COL9A1: variants seen among roughly 807,000 people sequenced by gnomAD.
COL9A1 encodes collagen type IX alpha 1 chain.
COL9A1 carries 104 observed loss-of-function variants against 142.6 expected under a neutral mutation model. The ratio of observed to expected loss-of-function variants is 0.73; its 90% confidence interval spans 0.62 to 0.86. The LOEUF (loss-of-function observed/expected upper bound fraction) is 0.86, where lower values mean the gene tolerates loss of function less well. Ranked by LOEUF, COL9A1 falls within the 40% of genes least tolerant of loss-of-function variation. The pLI, the probability that COL9A1 is intolerant of heterozygous loss-of-function variation, is 0.00. For missense variants in COL9A1, 1,210 were observed against 1,176.6 expected, an observed-to-expected ratio of 1.03 and a Z score of -0.42; for synonymous variants, 466 against 396.0, an observed-to-expected ratio of 1.18 and a Z score of -2.10.
chr6:70,251,381 C>CA (rs902835600), intron 28 of COL9A1, among the ~76,000 whole-genome samples: 46 of 151,080 alleles, frequency 3.0e-4, no homozygotes, highest in African/African-American at 1.0e-3. Context: ...CCCATCTCTA[C>CA]AAAAAAAAAT....
intron 37 of COL9A1, among the ~76,000 whole-genome samples, chr6:70,223,504 C>T (rs1769021297): frequency 1.3e-5 from 2 of 152,178 alleles, no homozygotes; most frequent in Admixed American, 6.5e-5. Flanking sequence ...AGATGCCACT[C>T]TTCAAACAGC....
At chr6:70,228,108 T>G (rs763522877) in intron 36 of COL9A1, among the ~76,000 whole-genome samples, 2 of 152,228 alleles carry the variant, frequency 1.3e-5, no homozygotes, top group South Asian at 4.1e-4. Flanking sequence ...AATTTAGTAT[T>G]ATGAAATATA....
At chr6:70,300,899 T>C (rs543088875) in intron 2 of COL9A1, among the ~76,000 whole-genome samples, 103 of 152,178 alleles carry the variant, frequency 6.8e-4, no homozygotes, top group African/African-American at 2.4e-3. Context: ...TTCTGGAGAG[T>C]AGAGTTCTTA....
chr6:70,291,916 T>C (rs779422569), intron 5 of COL9A1, among the ~76,000 whole-genome samples: 11 of 152,170 alleles, frequency 7.2e-5, no homozygotes, highest in Non-Finnish European at 1.3e-4. Flanking sequence ...AGCTGAGAAA[T>C]GGAGATAATG....
intron 37 of COL9A1, among the ~76,000 whole-genome samples, chr6:70,222,217 T>C (rs1768926442): frequency 6.6e-6 from 1 of 152,204 alleles, no homozygotes; most frequent in Admixed American, 6.5e-5. Context: ...CACTAAATAA[T>C]GTCAGAGTGT....
intron 35 of COL9A1, among the ~76,000 whole-genome samples, chr6:70,234,304 C>CAA (rs55719911): frequency 7.0e-6 from 1 of 143,846 alleles, no homozygotes; most frequent in African/African-American, 2.5e-5. Flanking sequence ...CAAAACAAAA[C>CAA]AAAAAAAAGG....
chr6:70,255,214 G>A lies in COL9A1; in HGVS notation c.1558-11C>T. On this transcript the variant is annotated splice_polypyrimidine_tract_variant and intron_variant, in intron 22 of 37. Transcript: ENST00000357250. Reference sequence around the variant, plus strand: ...AGCACCTTCAGCCCCCTGCAGGGAGGAAGAGAAAGAATAGACAAGACATGT... The same window carrying A: ...AGCACCTTCAGCCCCCTGCAGGGAGAAAGAGAAAGAATAGACAAGACATGT... 6.2e-7 allele frequency: 1 copy of A among 1,614,076 alleles called. No homozygotes were observed. The highest frequency in any genetic ancestry group is 8.5e-7 in the Non-Finnish European group (1 of 1,179,954).
intron 13 of COL9A1, 95 bp downstream of exon 13, chr6:70,271,970 A>G: frequency 7.8e-7 from 1 of 1,278,218 alleles, no homozygotes; most frequent in Non-Finnish European, 1.1e-6. Context: ...TGTAAACACC[A>G]CTGAGTAGAC....
chr6:70,283,211 T>G (rs1197334303), intron 6 of COL9A1: 1 of 1,463,038 alleles, frequency 6.8e-7, no homozygotes, highest in Non-Finnish European at 9.0e-7. Context: ...AGGCGCGCGT[T>G]CCCCCTGTTT....
At chr6:70,229,643 T>C (rs1275920424) in intron 36 of COL9A1, among the ~76,000 whole-genome samples, 2 of 152,146 alleles carry the variant, frequency 1.3e-5, no homozygotes, top group South Asian at 2.1e-4. Context: ...ACAGCCTTAC[T>C]CAAAGGGACT....
At chr6:70,269,586 T>C in intron 16 of COL9A1, 47 bp downstream of exon 16, 1 of 1,291,272 alleles carries the variant, frequency 7.7e-7, no homozygotes, top group Non-Finnish European at 1.1e-6. Flanking sequence ...GCAGGCTATA[T>C]GGTCTTTGAA....
chr6:70,227,232 T>A (rs1769282707), intron 36 of COL9A1, among the ~76,000 whole-genome samples: 1 of 151,784 alleles, frequency 6.6e-6, no homozygotes, highest in African/African-American at 2.4e-5. Flanking sequence ...AATTATGACC[T>A]CAGATTGGCC....
intron 31 of COL9A1, among the ~76,000 whole-genome samples, chr6:70,241,155 G>A (rs544181589): frequency 3.3e-5 from 5 of 152,270 alleles, no homozygotes; most frequent in East Asian, 3.9e-4. Context: ...AACCAATTCC[G>A]TGAACCAGAG....
At chr6:70,249,735 G>A (rs1770814669) in intron 28 of COL9A1, among the ~76,000 whole-genome samples, 1 of 152,014 alleles carries the variant, frequency 6.6e-6, no homozygotes. Flanking sequence ...CATCAGCATA[G>A]CCTCCTATGA....
intron 7 of COL9A1, 44 bp from the exon 8 acceptor site, chr6:70,281,508 A>G: frequency 2.0e-6 from 3 of 1,517,534 alleles, no homozygotes; most frequent in Non-Finnish European, 2.7e-6. Context: ...ACATCGGGCA[A>G]CAGGGAGCAA....
intron 7 of COL9A1, among the ~76,000 whole-genome samples, chr6:70,282,548 T>C (rs1773229121): frequency 6.9e-6 from 1 of 144,416 alleles, no homozygotes; most frequent in Non-Finnish European, 1.5e-5. Flanking sequence ...CAAGGCCTGC[T>C]GTTGACAGTG....
chr6:70,302,905 T>C lies in COL9A1; in HGVS notation c.14+6A>G. ...CCCACCACTCTTTCCAGGGTTATTG[T>C]CTTACCAGCAGGTCTTCATTTTCCC... On this transcript the variant is annotated splice_donor_region_variant and intron_variant, in intron 1 of 37. Transcript: ENST00000357250. 6.2e-7 allele frequency: 1 copy of C among 1,614,072 alleles called. No individual in the cohort carries two copies. Among genetic ancestry groups the C allele is most frequent in the Non-Finnish European group, 8.5e-7 (1 of 1,179,938 alleles).
At chr6:70,276,417 T>C (rs1772766789) in intron 10 of COL9A1, among the ~76,000 whole-genome samples, 1 of 152,146 alleles carries the variant, frequency 6.6e-6, no homozygotes, top group African/African-American at 2.4e-5. Context: ...CTCTTCAACC[T>C]GTGACTGGAA....
In COL9A1 at chr6:70,260,694, C is replaced by T. The variant is rs773570789; in HGVS notation, c.1412G>A (p.Arg471Gln). 14 of 1,613,718 alleles carry T rather than the reference C, an allele frequency of 8.7e-6. No homozygotes were observed. Among genetic ancestry groups the T allele is most frequent in the Middle Eastern group, 1.6e-4 (1 of 6,084 alleles). Residue 471 changes from arginine to glutamine, a missense_variant, in exon 20 of 38, where the codon CGA becomes CAA. By Grantham distance (43) the Arg-to-Gln change is conservative. Transcript: ENST00000357250. ...GTCCCCAACTATGCCGGTGATGCCT[C>T]GCAAACCCTGGGCTCCCTGGAAATG... ...AQGPPGAQGL[R>Q]GITGIVGDKG...
Sources: allele counts gnomAD v4.1 joint callset (sites outside exome capture counted in the v4.1 genomes callset), GRCh38; gene constraint gnomAD v4.1.1; transcripts MANE v1.5; gene names NCBI Gene and HGNC (gene_info 2026-07-23, HGNC 2026-07-21).